GRM1: variants seen among roughly 807,000 people sequenced by gnomAD.
GRM1 encodes the protein metabotropic glutamate receptor 1.
Under a neutral mutation model 90.9 loss-of-function variants are expected in GRM1, and 33 were observed. The ratio of observed to expected loss-of-function variants is 0.36; its 90% CI spans 0.28 to 0.49. The LOEUF (loss-of-function observed/expected upper bound fraction) is 0.49. Ranked by LOEUF, GRM1 falls within the 20% of genes least tolerant of loss-of-function variation. The pLI is 0.99. For missense variants in GRM1, 1,190 were observed against 1,534.3 expected (o/e 0.78, Z 3.75); for synonymous variants, 700 against 613.2 (o/e 1.14, Z -2.09).
At chr6:146,145,498 C>T (rs1777060288) in intron 1 of GRM1, among the ~76,000 whole-genome samples, 1 of 152,164 alleles carries the variant, frequency 6.6e-6, no homozygotes, top group Non-Finnish European at 1.5e-5. Context: ...TCAACTATGG[C>T]TCAAGTAGCC....
intron 1 of GRM1, among the ~76,000 whole-genome samples, chr6:146,032,904 T>G (rs1340481739): frequency 1.3e-5 from 2 of 152,174 alleles, no homozygotes; most frequent in Non-Finnish European, 2.9e-5. Flanking sequence ...GGTACAGTTG[T>G]TTTTATATTA....
rs1777160676 is a variant in GRM1, at chr6:146,147,592, T to G, written c.701-11756T>G. Among the ~76,000 whole-genome samples the G allele has an allele frequency of 3.3e-5, 5 of 152,214 alleles. No individual in the cohort carries two copies. The South Asian group carries it at 1.0e-3, about 31-fold the overall frequency. On this transcript the variant is annotated intron_variant, in intron 1 of 7. Coordinates refer to ENST00000282753, the MANE Select transcript of GRM1 (RefSeq NM_001278064.2). ...CAGAATACCAAGACACAGAAGCTGA[T>G]GAAACAGGTTTTATTCAGCATTATT...
intron 3 of GRM1, among the ~76,000 whole-genome samples, chr6:146,319,058 C>T (rs1278028643): frequency 1.3e-5 from 2 of 152,070 alleles, no homozygotes; most frequent in African/African-American, 4.8e-5. Context: ...TTACTCACAA[C>T]GTCTTTGCCC....
intron 3 of GRM1, among the ~76,000 whole-genome samples, chr6:146,339,592 C>T (rs1384713901): frequency 6.6e-6 from 1 of 152,178 alleles, no homozygotes; most frequent in African/African-American, 2.4e-5. Flanking sequence ...AATCATGCTT[C>T]AGTTAGATCA....
chr6:146,406,365 GAA>G (rs1053413485), intron 7 of GRM1, among the ~76,000 whole-genome samples: 1 of 152,124 alleles, frequency 6.6e-6, no homozygotes, highest in African/African-American at 2.4e-5. Flanking sequence ...ATTAAAATTT[GAA>G]AATAAACCCC....
intron 1 of GRM1, among the ~76,000 whole-genome samples, chr6:146,130,131 C>T (rs1392123748): frequency 6.6e-6 from 1 of 152,078 alleles, no homozygotes; most frequent in Non-Finnish European, 1.5e-5. Flanking sequence ...ATAGTTTTAA[C>T]TCACACTGCA....
chr6:146,033,969 C>G (rs1790796410), intron 1 of GRM1, among the ~76,000 whole-genome samples: 1 of 151,958 alleles, frequency 6.6e-6, no homozygotes, highest in Non-Finnish European at 1.5e-5. Flanking sequence ...CAACCTACTT[C>G]AAAGGAAATT....
At chr6:146,149,819 T>C (rs1448934215) in intron 1 of GRM1, among the ~76,000 whole-genome samples, 2 of 152,182 alleles carry the variant, frequency 1.3e-5, no homozygotes, top group Non-Finnish European at 2.9e-5. Context: ...GCTATACTTG[T>C]GCCTGCCAAA....
chr6:146,317,133 G>A (rs73009064), intron 3 of GRM1, among the ~76,000 whole-genome samples: 4,830 of 152,172 alleles, frequency 0.032, 119 homozygotes, highest in Non-Finnish European at 0.051. Flanking sequence ...AGATTTATGT[G>A]TGCCAAATTA....
chr6:146,059,636 A>G (rs1775596173), intron 1 of GRM1, among the ~76,000 whole-genome samples: 1 of 152,102 alleles, frequency 6.6e-6, no homozygotes, highest in Non-Finnish European at 1.5e-5. Context: ...TTCTAGCTTT[A>G]AAAGCCCAAA....
rs145150573 is a variant in GRM1 at position 146,421,558 on chromosome 6, T to C, written c.2661-12314T>C. ...AGGAGCAGATTCATATTTAGAATAA[T>C]ATACAGAGGGCTTCAAACATATCCT... On this transcript the variant is annotated intron_variant, in intron 7 of 7. Coordinates refer to ENST00000282753, the MANE Select transcript of GRM1 (RefSeq NM_001278064.2). 2.1e-3 allele frequency among the ~76,000 whole-genome samples: 317 copies of C among 152,234 alleles called. 2 individuals carry two copies. Among genetic ancestry groups the C allele is most frequent in the African/African-American group, 7.4e-3 (307 of 41,568 alleles).
At chr6:146,275,742 C>T (rs1180916093) in intron 2 of GRM1, among the ~76,000 whole-genome samples, 1 of 152,118 alleles carries the variant, frequency 6.6e-6, no homozygotes, top group Admixed American at 6.6e-5. Context: ...TCTCTTCTAG[C>T]ACACTGTTCT....
chr6:146,394,446 T>C (rs1407193912), intron 6 of GRM1, among the ~76,000 whole-genome samples: 1 of 152,146 alleles, frequency 6.6e-6, no homozygotes, highest in African/African-American at 2.4e-5. Context: ...TTTATAATGG[T>C]GATCTTGCAC....
intron 2 of GRM1, among the ~76,000 whole-genome samples, chr6:146,298,075 G>T (rs1291185228): frequency 6.6e-6 from 1 of 152,138 alleles, no homozygotes; most frequent in East Asian, 1.9e-4. Context: ...AGGCATGATT[G>T]CCAAGAATAG....
chr6:146,326,677 C>T (rs1784412627), intron 3 of GRM1, among the ~76,000 whole-genome samples: 1 of 152,102 alleles, frequency 6.6e-6, no homozygotes, highest in Non-Finnish European at 1.5e-5. Flanking sequence ...TACTGTGCAG[C>T]AATCTCACTG....
chr6:146,103,538 C>T (rs966565420), intron 1 of GRM1, among the ~76,000 whole-genome samples: 1 of 152,170 alleles, frequency 6.6e-6, no homozygotes, highest in Non-Finnish European at 1.5e-5. Context: ...TTTCCATTTC[C>T]TTCCACAGGC....
In GRM1 at chr6:146,264,519, T is replaced by G. The variant is rs922645145; in HGVS notation, c.951-40092T>G. 3.3e-5 allele frequency among the ~76,000 whole-genome samples: 5 copies of G among 151,978 alleles called. No individual in the cohort carries two copies. The East Asian group carries it at 5.8e-4, about 18-fold the overall frequency. ...AAGTATGAGTTTTTTGTTGTTTTTG[T>G]TTTTGTTTTTTTTTTAGATTCGGGG... On this transcript the variant is annotated intron_variant, in intron 2 of 7. Transcript: ENST00000282753.
At chr6:146,142,212 G>A (rs181541091) in intron 1 of GRM1, among the ~76,000 whole-genome samples, 3 of 152,226 alleles carry the variant, frequency 2.0e-5, no homozygotes, top group Admixed American at 6.5e-5. Context: ...TCTGATTACC[G>A]GTAAGAAACC....
chr6:146,402,048 A>G (rs1392110536), intron 7 of GRM1, among the ~76,000 whole-genome samples: 1 of 152,138 alleles, frequency 6.6e-6, no homozygotes, highest in African/African-American at 2.4e-5. Context: ...TTCATGTGGG[A>G]TCTTGCTTTT....
Sources: gnomAD v4.1 joint callset for allele counts (sites outside exome capture counted in the v4.1 genomes callset) on GRCh38, gnomAD v4.1.1 for gene constraint, MANE v1.5 for transcripts, NCBI Gene and HGNC (gene_info 2026-07-23, HGNC 2026-07-21) for gene names.